The following MCUB variants were observed in gnomAD, a reference collection of about 807,000 sequenced individuals.
The protein encoded by MCUB is calcium uniporter regulatory subunit MCUb, mitochondrial.
MCUB carries 46 observed loss-of-function variants against 41.4 expected under a neutral mutation model. The observed-to-expected ratio is 1.11, with a 90% CI of 0.88 to 1.42. The LOEUF (loss-of-function observed/expected upper bound fraction) is 1.42. Among genes scored for constraint, MCUB ranks in the 40% most tolerant of loss-of-function variants. The pLI is 0.00. For missense variants in MCUB, 403 were observed against 404.9 expected (o/e 1.00, Z 0.04); for synonymous variants, 148 against 148.2 (o/e 1.00, Z 0.01).
chr4:109,637,231 T>C (rs911898737), intron 1 of MCUB, among the ~76,000 whole-genome samples: 4 of 152,184 alleles, frequency 2.6e-5, no homozygotes, highest in African/African-American at 9.7e-5. Flanking sequence ...GGGAAATGTG[T>C]CAGCCCTATG....
intron 1 of MCUB, among the ~76,000 whole-genome samples, chr4:109,643,782 G>A (rs1318966426): frequency 1.3e-5 from 2 of 152,202 alleles, no homozygotes; most frequent in Non-Finnish European, 2.9e-5. Flanking sequence ...GGGATTACAG[G>A]CATGAGCCAC....
In MCUB at chr4:109,560,343, C is replaced by G. The variant is rs1236849249; in HGVS notation, c.6C>G (p.Leu2=). Residue 2 remains leucine (L), a synonymous_variant, in exon 1 of 8, where the codon CTC becomes CTG. Transcript: ENST00000394650. The stretch of plus-strand genomic sequence containing the variant: ...CGCGCGCCTGGGGCGGGAGGATGCT[C>G]CAGAGGGGCCTCTGGCCGTGGCGCA... M[L]QRGLWPWRTR... 4 of 1,295,940 alleles carry G rather than the reference C, an allele frequency of 3.1e-6. No homozygotes were observed. The highest frequency in any genetic ancestry group is 6.3e-5 in the East Asian group (2 of 31,724). The allele number at this position is 1,295,940 out of a possible 1,614,324, so 80.3% of individuals were successfully genotyped here.
chr4:109,592,050 C>G (rs1051774064), intron 1 of MCUB, among the ~76,000 whole-genome samples: 1 of 152,066 alleles, frequency 6.6e-6, no homozygotes, highest in Non-Finnish European at 1.5e-5. Context: ...TGAGGTTTCT[C>G]TTTCTGCTGT....
chr4:109,660,485 T>C (rs1462594631), intron 3 of MCUB, 120 bp downstream of exon 3: 1 of 532,404 alleles, frequency 1.9e-6, no homozygotes, highest in Non-Finnish European at 3.2e-6. Context: ...AAATGGTTGG[T>C]CTTTATTCTT....
intron 1 of MCUB, among the ~76,000 whole-genome samples, chr4:109,599,891 G>T (rs1482772386): frequency 6.6e-6 from 1 of 152,032 alleles, no homozygotes; most frequent in African/African-American, 2.4e-5. Flanking sequence ...GCTGGTCTCA[G>T]ACTCCTGACC....
intron 1 of MCUB, among the ~76,000 whole-genome samples, chr4:109,643,880 A>G (rs2126140977): frequency 6.6e-6 from 1 of 152,360 alleles, no homozygotes; most frequent in Non-Finnish European, 1.5e-5. Flanking sequence ...AAACAAATAC[A>G]AACACTAAAG....
intron 5 of MCUB, chr4:109,682,983 G>C: frequency 2.7e-6 from 1 of 371,424 alleles, no homozygotes; most frequent in Non-Finnish European, 4.9e-6. Flanking sequence ...CCTGTGTTCA[G>C]AGCTGCCATC....
chr4:109,612,264 T>TA (rs11420245), intron 1 of MCUB, among the ~76,000 whole-genome samples: 2 of 17,782 alleles, frequency 1.1e-4, no homozygotes, highest in Non-Finnish European at 3.7e-4. Flanking sequence ...CCTCCTTTTC[T>TA]TTTTTTTTTT....
chr4:109,633,279 T>C (rs1010580951), intron 1 of MCUB, among the ~76,000 whole-genome samples: 20 of 152,302 alleles, frequency 1.3e-4, no homozygotes, highest in Admixed American at 6.5e-4. Context: ...ATTATTATTT[T>C]TTTTTTGAGA....
At position 109,688,718 on chromosome 4, in the gene MCUB, G is replaced by T. The variant is rs973037356; in HGVS notation, c.*1126G>T. 1 of 152,064 alleles carries T rather than the reference G, an allele frequency of 6.6e-6. No individual in the cohort carries two copies. Among genetic ancestry groups the T allele is most frequent in the African/African-American group, 2.4e-5 (1 of 41,406 alleles). The allele number at this position is 152,064 out of a possible 1,614,324, so 9.4% of individuals were successfully genotyped here. A position where few individuals can be genotyped will look rare whatever the true frequency, so the allele number is the denominator to read the frequency against. On this transcript the variant is annotated 3_prime_UTR_variant, in exon 8 of 8. Transcript: ENST00000394650. Reference sequence around the variant, plus strand: ...AAACAATAAACTTTTATAAAAAAGTGACAAAATACAAGTTAAATCAGCTAG... The same window carrying T: ...AAACAATAAACTTTTATAAAAAAGTTACAAAATACAAGTTAAATCAGCTAG...
intron 1 of MCUB, among the ~76,000 whole-genome samples, chr4:109,632,257 T>C (rs1728490067): frequency 6.6e-6 from 1 of 152,166 alleles, no homozygotes; most frequent in Non-Finnish European, 1.5e-5. Flanking sequence ...TAAACAGTGT[T>C]TTGAAAAGAT....
At chr4:109,623,836 A>T (rs541769589) in intron 1 of MCUB, among the ~76,000 whole-genome samples, 6 of 152,148 alleles carry the variant, frequency 3.9e-5, no homozygotes, top group African/African-American at 1.2e-4. Flanking sequence ...GCAAAAAACG[A>T]CTTCATTCAA....
At chr4:109,641,215 C>T (rs1268832035) in intron 1 of MCUB, among the ~76,000 whole-genome samples, 2 of 151,818 alleles carry the variant, frequency 1.3e-5, no homozygotes, top group African/African-American at 4.8e-5. Flanking sequence ...GCCTCAGCCT[C>T]CTGAGTAGCT....
At chr4:109,609,128 T>G (rs1161660105) in intron 1 of MCUB, among the ~76,000 whole-genome samples, 8 of 152,150 alleles carry the variant, frequency 5.3e-5, no homozygotes, top group Admixed American at 5.2e-4. Context: ...CAGTTGTTAC[T>G]GGGAAGGGCT....
chr4:109,620,980 C>T (rs1213570293), intron 1 of MCUB, among the ~76,000 whole-genome samples: 1 of 151,950 alleles, frequency 6.6e-6, no homozygotes, highest in East Asian at 1.9e-4. Context: ...CTCACTGCAA[C>T]CTCTGCCTCC....
chr4:109,649,706 G>C (rs1181944144), intron 1 of MCUB, among the ~76,000 whole-genome samples: 2 of 151,632 alleles, frequency 1.3e-5, no homozygotes, highest in Non-Finnish European at 2.9e-5. Flanking sequence ...CAGGGACAGA[G>C]TTAATTTCAT....
intron 1 of MCUB, among the ~76,000 whole-genome samples, chr4:109,588,174 G>A (rs1727352643): frequency 2.6e-5 from 4 of 152,326 alleles, no homozygotes; most frequent in Admixed American, 2.6e-4. Flanking sequence ...TAACTGAAGG[G>A]CAAGGTAGGA....
intron 1 of MCUB, among the ~76,000 whole-genome samples, chr4:109,599,365 G>A (rs1048086485): frequency 7.3e-5 from 11 of 151,450 alleles, no homozygotes; most frequent in South Asian, 2.1e-4. Context: ...GAGTTATGAA[G>A]ACCACCGAAA....
chr4:109,682,536 G>A (rs559580415), intron 4 of MCUB, 46 bp from the exon 5 acceptor site: 52 of 1,519,214 alleles, frequency 3.4e-5, no homozygotes, highest in African/African-American at 1.2e-4. Context: ...CACACCCTGC[G>A]GGAACAATGT....
Sources: gnomAD v4.1 joint callset for allele counts (sites outside exome capture counted in the v4.1 genomes callset) on GRCh38, gnomAD v4.1.1 for gene constraint, MANE v1.5 for transcripts, NCBI Gene and HGNC (gene_info 2026-07-23, HGNC 2026-07-21) for gene names.